NAV3: variants seen among roughly 807,000 people sequenced by gnomAD.
NAV3 encodes the protein pore membrane and/or filament interacting like protein 1.
In NAV3, 87 loss-of-function variants were observed where a neutral mutation model predicts 244.7. That is an observed-to-expected ratio of 0.36 (90% CI 0.30 to 0.42). The LOEUF is 0.42. Among genes scored for constraint, NAV3 ranks in the 20% least tolerant of loss-of-function variants. The pLI is 1.00. For missense variants in NAV3, 2,663 were observed against 2,893.3 expected, an observed-to-expected ratio of 0.92 and a Z score of 1.83; for synonymous variants, 1,126 against 1,042.2, an observed-to-expected ratio of 1.08 and a Z score of -1.55.
At chr12:78,208,184 T>C (rs1960524374) in intron 39 of NAV3, among the ~76,000 whole-genome samples, 1 of 152,068 alleles carries the variant, frequency 6.6e-6, no homozygotes, top group Non-Finnish European at 1.5e-5. Flanking sequence ...AGTGGGAGTG[T>C]GCAGAGAGGT....
intron 35 of NAV3, among the ~76,000 whole-genome samples, chr12:78,198,147 C>G (rs1959214207): frequency 6.6e-6 from 1 of 151,810 alleles, no homozygotes; most frequent in Non-Finnish European, 1.5e-5. Flanking sequence ...CCAATTATCT[C>G]TGCTAGAGAT....
At chr12:77,577,185 C>A (rs1471766624) in intron 2 of NAV3, among the ~76,000 whole-genome samples, 2 of 152,138 alleles carry the variant, frequency 1.3e-5, no homozygotes, top group Non-Finnish European at 2.9e-5. Flanking sequence ...AAGACTATCC[C>A]TAATTTCTAC....
chr12:78,166,453 G>T (rs778398341), intron 23 of NAV3, among the ~76,000 whole-genome samples: 8 of 151,658 alleles, frequency 5.3e-5, no homozygotes, highest in Non-Finnish European at 1.0e-4. Flanking sequence ...ATATTTTATA[G>T]GTGTTTGCTT....
At chr12:78,005,243 T>C (rs531289071) in intron 7 of NAV3, among the ~76,000 whole-genome samples, 4 of 152,276 alleles carry the variant, frequency 2.6e-5, no homozygotes, top group South Asian at 2.1e-4. Context: ...ATTTTGGTTT[T>C]AGAGATTATT....
rs992785490 is a variant in NAV3, at chr12:78,122,006, C to T, written c.3816C>T (p.Ser1272=). 1 of 1,614,184 alleles carries T rather than the reference C, an allele frequency of 6.2e-7. No homozygotes were observed. Among genetic ancestry groups the T allele is most frequent in the Non-Finnish European group, 8.5e-7 (1 of 1,180,028 alleles). The change falls in exon 16 of 40, where the codon TCC becomes TCT. Residue 1272 remains serine, a synonymous_variant. Coordinates refer to ENST00000397909, the MANE Select transcript of NAV3 (RefSeq NM_001024383.2). ...CTAATACTGAGGGTGTGAAATCTTC[C>T]TCAGTAATGCCCAGCCCTAGTACCA... ...SAPNTEGVKS[S]SVMPSPSTTL...
intron 12 of NAV3, among the ~76,000 whole-genome samples, chr12:78,094,079 A>G (rs949015558): frequency 1.3e-5 from 2 of 152,156 alleles, no homozygotes; most frequent in South Asian, 2.1e-4. Flanking sequence ...GCCTCAAGCA[A>G]TCGTCCCACT....
At chr12:78,058,962 G>A (rs2137403208) in intron 11 of NAV3, 34 bp from the exon 12 acceptor site, 5 of 1,554,430 alleles carry the variant, frequency 3.2e-6, no homozygotes, top group Non-Finnish European at 4.3e-6. Context: ...AGTTGATTTA[G>A]TTTTCTGTGA....
chr12:78,107,033 A>G (rs948277109), intron 12 of NAV3, among the ~76,000 whole-genome samples: 2 of 152,210 alleles, frequency 1.3e-5, no homozygotes, highest in African/African-American at 4.8e-5. Context: ...TCCAAACAAC[A>G]TCACAGGTAT....
At chr12:77,806,139 T>G (rs945131701) in intron 2 of NAV3, among the ~76,000 whole-genome samples, 2 of 152,198 alleles carry the variant, frequency 1.3e-5, no homozygotes, top group Admixed American at 1.3e-4. Flanking sequence ...ATTGATTTTT[T>G]GAAGGGTTTT....
intron 1 of NAV3, among the ~76,000 whole-genome samples, chr12:77,837,487 C>T (rs1051140553): frequency 6.6e-6 from 1 of 152,000 alleles, no homozygotes; most frequent in Non-Finnish European, 1.5e-5. Context: ...TCCATTCAGT[C>T]CTCACAATAG....
At chr12:77,667,054 G>GTACATTTCTAATTT (rs1269650534) in intron 2 of NAV3, among the ~76,000 whole-genome samples, 1 of 152,074 alleles carries the variant, frequency 6.6e-6, no homozygotes, top group Non-Finnish European at 1.5e-5. Context: ...ATTTCTAATT[G>GTACATTTCTAATTT]TACATTCCTA....
At chr12:78,018,264 A>C (rs1876566016) in intron 8 of NAV3, among the ~76,000 whole-genome samples, 1 of 152,178 alleles carries the variant, frequency 6.6e-6, no homozygotes, top group African/African-American at 2.4e-5. Context: ...AAGGCTTCCA[A>C]GACAAGACTG....
intron 2 of NAV3, among the ~76,000 whole-genome samples, chr12:77,765,280 G>C (rs971903120): frequency 6.6e-5 from 10 of 152,112 alleles, no homozygotes; most frequent in African/African-American, 2.4e-4. Context: ...AAATATCACT[G>C]TCTGCTGTTT....
chr12:77,806,931 T>G (rs979019975), intron 2 of NAV3, among the ~76,000 whole-genome samples: 5 of 152,226 alleles, frequency 3.3e-5, no homozygotes, highest in African/African-American at 9.6e-5. Flanking sequence ...TGTCCTTCTT[T>G]GTCTTTTTTG....
Position 77,831,596 on chromosome 12 carries a change from T to C in NAV3, c.135T>C (p.Thr45=), listed in dbSNP as rs1465687479. The part of the protein sequence containing the change: ...QHCSSRPLEL[T]ETESSMLSCQ... ...GTTCTTCAAGACCTTTGGAACTTACTGAAACAGAGAGCTCCATGCTTTCTT... is the reference window on the plus strand; with the variant it reads ...GTTCTTCAAGACCTTTGGAACTTACCGAAACAGAGAGCTCCATGCTTTCTT... Residue 45 remains threonine, a synonymous_variant, in exon 1 of 40, where the codon ACT becomes ACC. Transcript: ENST00000397909. 3 of 1,614,092 alleles carry C rather than the reference T, an allele frequency of 1.9e-6. No homozygotes were observed. The highest frequency in any genetic ancestry group is 2.5e-6 in the Non-Finnish European group (3 of 1,179,976).
At chr12:77,702,340 C>T (rs774312015) in intron 2 of NAV3, among the ~76,000 whole-genome samples, 2 of 151,892 alleles carry the variant, frequency 1.3e-5, no homozygotes, top group Non-Finnish European at 2.9e-5. Context: ...CCTTTCTGTC[C>T]TTTTCTATTT....
upstream of NAV3, among the ~76,000 whole-genome samples, chr12:77,826,977 T>A (rs1341976151): frequency 2.0e-5 from 3 of 152,066 alleles, no homozygotes; most frequent in Non-Finnish European, 2.9e-5. Flanking sequence ...ATCCCAGCAC[T>A]TTGGGAGGCC....
At chr12:78,017,963 G>T (rs1456496160) in intron 8 of NAV3, among the ~76,000 whole-genome samples, 1 of 152,112 alleles carries the variant, frequency 6.6e-6, no homozygotes, top group East Asian at 1.9e-4. Flanking sequence ...GAAACGGATG[G>T]CTTGTAACAT....
intron 5 of NAV3, among the ~76,000 whole-genome samples, chr12:77,994,223 C>T (rs1871941919): frequency 6.6e-6 from 1 of 152,166 alleles, no homozygotes; most frequent in African/African-American, 2.4e-5. Flanking sequence ...TAGATCTTCC[C>T]CAAGACAAAA....
Sources: gnomAD v4.1 joint callset for allele counts (sites outside exome capture counted in the v4.1 genomes callset) on GRCh38, gnomAD v4.1.1 for gene constraint, MANE v1.5 for transcripts, NCBI Gene and HGNC (gene_info 2026-07-23, HGNC 2026-07-21) for gene names.